HLCS: variants seen among roughly 807,000 people sequenced by gnomAD.
HLCS encodes the protein holocarboxylase synthetase.
HLCS carries 53 observed loss-of-function variants against 75.0 expected under a neutral mutation model. The observed-to-expected ratio is 0.71, with a 90% CI of 0.57 to 0.89. The LOEUF (loss-of-function observed/expected upper bound fraction) is 0.89. Ranked by LOEUF, HLCS falls within the 40% of genes least tolerant of loss-of-function variation. HLCS has a pLI of 0.00. For missense variants in HLCS, 966 were observed against 1,074.0 expected, an observed-to-expected ratio of 0.90 and a Z score of 1.41; for synonymous variants, 431 against 428.6, an observed-to-expected ratio of 1.01 and a Z score of -0.07.
chr21:36,800,306 A>G (rs1429899784), intron 6 of HLCS, among the ~76,000 whole-genome samples: 2 of 152,192 alleles, frequency 1.3e-5, no homozygotes, highest in African/African-American at 4.8e-5. Flanking sequence ...CACTCCTGGC[A>G]CACAGTGGGT....
At chr21:36,799,297 G>A (rs981532032) in intron 6 of HLCS, among the ~76,000 whole-genome samples, 5 of 152,110 alleles carry the variant, frequency 3.3e-5, no homozygotes, top group Non-Finnish European at 5.9e-5. Context: ...AATGACCTTG[G>A]CACTTTTATC....
At chr21:36,778,725 A>C (rs938084554) in intron 6 of HLCS, among the ~76,000 whole-genome samples, 2 of 152,194 alleles carry the variant, frequency 1.3e-5, no homozygotes, top group African/African-American at 4.8e-5. Context: ...TTTATATCAG[A>C]GTAGACTTAT....
chr21:36,917,787 T>C (rs923706721), intron 5 of HLCS, among the ~76,000 whole-genome samples: 1 of 152,122 alleles, frequency 6.6e-6, no homozygotes, highest in Non-Finnish European at 1.5e-5. Flanking sequence ...TTGGCTCTCA[T>C]GCTGAAAGCT....
At chr21:36,889,732 CAG>C (rs1417953316) in intron 6 of HLCS, among the ~76,000 whole-genome samples, 1 of 152,204 alleles carries the variant, frequency 6.6e-6, no homozygotes, top group Non-Finnish European at 1.5e-5. Flanking sequence ...GTCCCAGACA[CAG>C]ACACAGACAC....
intron 6 of HLCS, among the ~76,000 whole-genome samples, chr21:36,881,131 G>A (rs944815670): frequency 8.5e-5 from 13 of 152,074 alleles, no homozygotes; most frequent in South Asian, 8.3e-4. Context: ...CACCATGCCC[G>A]ACTAATTTTT....
intron 2 of HLCS, among the ~76,000 whole-genome samples, chr21:36,945,602 A>G (rs1308555718): frequency 6.6e-6 from 1 of 152,228 alleles, no homozygotes; most frequent in Non-Finnish European, 1.5e-5. Flanking sequence ...TGAAGTATCT[A>G]AAATAGACAA....
chr21:36,939,124 C>A, intron 2 of HLCS, 130 bp from the exon 3 acceptor site: 1 of 778,060 alleles, frequency 1.3e-6, no homozygotes, highest in East Asian at 2.8e-5. Flanking sequence ...TAACAAATTA[C>A]TGGATATTAC....
intron 6 of HLCS, among the ~76,000 whole-genome samples, chr21:36,860,334 G>GCCACACCCC (rs2063340570): frequency 6.6e-6 from 1 of 151,464 alleles, no homozygotes; most frequent in African/African-American, 2.4e-5. Flanking sequence ...CCTCCAGGAA[G>GCCACACCCC]TCACACCCCT....
At chr21:36,885,871 T>C (rs1024802780) in intron 6 of HLCS, among the ~76,000 whole-genome samples, 1 of 152,110 alleles carries the variant, frequency 6.6e-6, no homozygotes, top group Non-Finnish European at 1.5e-5. Context: ...ACCAGCTACA[T>C]GACACAGATA....
At chr21:36,961,069 G>A (rs1004187698) in intron 2 of HLCS, among the ~76,000 whole-genome samples, 3 of 152,206 alleles carry the variant, frequency 2.0e-5, no homozygotes, top group African/African-American at 7.2e-5. Flanking sequence ...ATAACTTCAC[G>A]GAAGCGAGGA....
At chr21:36,926,741 CTT>C (rs34057978) in intron 5 of HLCS, among the ~76,000 whole-genome samples, 22 of 127,028 alleles carry the variant, frequency 1.7e-4, no homozygotes, top group African/African-American at 2.3e-4. Flanking sequence ...GTCTTGTTTC[CTT>C]TTTTTTTTTT....
chr21:36,834,688 T>C (rs1172765609), intron 6 of HLCS, among the ~76,000 whole-genome samples: 3 of 152,244 alleles, frequency 2.0e-5, no homozygotes, highest in Admixed American at 1.3e-4. Context: ...CCTGTGTAGC[T>C]GGGACTACAG....
At position 36,888,991 on chromosome 21, in the gene HLCS, C is replaced by T. The variant is rs909126318; in HGVS notation, c.1892+7869G>A. On this transcript the variant is annotated intron_variant, in intron 6 of 10. Transcript: ENST00000674895. Reference sequence around the variant, plus strand: ...CAATGATCAGACCAAGAACGGTGTACACAACTTTACAAACTGGCACAGGCA... The same window carrying T: ...CAATGATCAGACCAAGAACGGTGTATACAACTTTACAAACTGGCACAGGCA... Among the ~76,000 whole-genome samples, 17 of 152,274 alleles carry T rather than the reference C, an allele frequency of 1.1e-4. No homozygotes were observed. The East Asian group carries it at 2.9e-3, about 26-fold the overall frequency.
upstream of HLCS, among the ~76,000 whole-genome samples, chr21:36,969,868 C>T (rs1389769725): frequency 5.3e-5 from 8 of 151,840 alleles, no homozygotes; most frequent in East Asian, 5.8e-4. Context: ...CCACCGCGCC[C>T]GGTCAGACTA....
chr21:36,756,166 C>T (rs149748482), intron 10 of HLCS, among the ~76,000 whole-genome samples: 117 of 152,118 alleles, frequency 7.7e-4, no homozygotes, highest in Admixed American at 2.2e-3. Flanking sequence ...CGGCCGGGCG[C>T]GGTGGCTCAC....
chr21:36,830,553 G>A (rs1569071993), intron 6 of HLCS, among the ~76,000 whole-genome samples: 1 of 152,126 alleles, frequency 6.6e-6, no homozygotes, highest in Non-Finnish European at 1.5e-5. Context: ...GGAGACAGGG[G>A]CCAGGTGCGG....
At chr21:36,911,243 T>C (rs1213214965) in intron 5 of HLCS, among the ~76,000 whole-genome samples, 3 of 152,122 alleles carry the variant, frequency 2.0e-5, no homozygotes, top group African/African-American at 7.2e-5. Context: ...AGCTGCACTC[T>C]GCGCTGCCTC....
intron 1 of HLCS, among the ~76,000 whole-genome samples, chr21:36,977,251 G>T (rs567770648): frequency 6.6e-5 from 10 of 152,186 alleles, no homozygotes; most frequent in African/African-American, 2.4e-4. Context: ...GGTCCTGGTT[G>T]GGCGAAGGGA....
intron 9 of HLCS, chr21:36,759,269 G>A: frequency 4.3e-6 from 2 of 465,122 alleles, no homozygotes; most frequent in Non-Finnish European, 8.9e-6. Flanking sequence ...GGTGAAACAG[G>A]GATTCTTTAC....
Sources: gnomAD v4.1 joint callset for allele counts (sites outside exome capture counted in the v4.1 genomes callset) on GRCh38, gnomAD v4.1.1 for gene constraint, MANE v1.5 for transcripts, NCBI Gene and HGNC (gene_info 2026-07-23, HGNC 2026-07-21) for gene names.